The following DACH2 variants were observed in gnomAD, a reference collection of about 807,000 sequenced individuals.
DACH2 encodes the protein dachshund homolog 2.
DACH2 carries 17 observed loss-of-function variants against 35.8 expected under a neutral mutation model. The observed-to-expected ratio is 0.48, with a 90% confidence interval of 0.33 to 0.71. DACH2 has a LOEUF of 0.71. Ranked by LOEUF, DACH2 falls within the 30% of genes least tolerant of loss-of-function variation. The pLI is 0.02. For missense variants in DACH2, 469 were observed against 472.7 expected, an observed-to-expected ratio of 0.99 and a Z score of 0.07; for synonymous variants, 195 against 177.3, an observed-to-expected ratio of 1.10 and a Z score of -0.79.
intron 7 of DACH2, among the ~76,000 whole-genome samples, chrX:86,767,614 G>A (rs12014301): frequency 0.029 from 3,248 of 112,030 alleles, 122 homozygotes; most frequent in African/African-American, 0.1. Context: ...TTGCCACTGT[G>A]TATATTCTCT....
chrX:86,275,442 T>C (rs1162515897), intron 1 of DACH2, among the ~76,000 whole-genome samples: 1 of 111,441 alleles, frequency 9.0e-6, no homozygotes, highest in East Asian at 2.8e-4. Flanking sequence ...TAGGTGTATA[T>C]ATTTATGAGG....
intron 1 of DACH2, among the ~76,000 whole-genome samples, chrX:86,365,713 CTT>C (rs775910353): frequency 2.7e-5 from 3 of 111,338 alleles, no homozygotes; most frequent in African/African-American, 9.8e-5. Context: ...GCCCCAAAGA[CTT>C]TTAAACAAAC....
chrX:86,224,958 T>A (rs1038875986), intron 1 of DACH2, among the ~76,000 whole-genome samples: 3 of 111,585 alleles, frequency 2.7e-5, no homozygotes, highest in Non-Finnish European at 5.7e-5. Context: ...AAATGATTGG[T>A]TAGAGCTGGC....
chrX:86,504,512 AT>A (rs1017042744), intron 2 of DACH2, among the ~76,000 whole-genome samples: 1 of 101,027 alleles, frequency 9.9e-6, no homozygotes, highest in Admixed American at 1.0e-4. Context: ...TTATTTATTT[AT>A]TTTAAAATTT....
intron 6 of DACH2, among the ~76,000 whole-genome samples, chrX:86,722,530 T>A (rs868525899): frequency 2.8e-5 from 3 of 105,754 alleles, no homozygotes; most frequent in Non-Finnish European, 3.9e-5. Flanking sequence ...TTTTTTTTTT[T>A]ATTTTATTTT....
intron 1 of DACH2, among the ~76,000 whole-genome samples, chrX:86,244,870 A>G (rs2033245820): frequency 8.9e-6 from 1 of 112,312 alleles, no homozygotes; most frequent in Non-Finnish European, 1.9e-5. Context: ...AACAGAAAAT[A>G]CTTGCTTCCC....
intron 3 of DACH2, among the ~76,000 whole-genome samples, chrX:86,638,284 T>C (rs1401235641): frequency 8.9e-6 from 1 of 111,925 alleles, no homozygotes; most frequent in African/African-American, 3.3e-5. Flanking sequence ...ACGAGTTAAA[T>C]GTAACACCTG....
chrX:86,399,471 T>G (rs1301992935), intron 2 of DACH2, among the ~76,000 whole-genome samples: 1 of 112,002 alleles, frequency 8.9e-6, no homozygotes, highest in Admixed American at 9.5e-5. Context: ...AGTTTCTTCC[T>G]AGCCTTGATG....
intron 2 of DACH2, among the ~76,000 whole-genome samples, chrX:86,401,740 A>C (rs1258221648): frequency 9.0e-6 from 1 of 110,588 alleles, no homozygotes; most frequent in African/African-American, 3.3e-5. Flanking sequence ...AAAAAAAAAA[A>C]ACTTCAGATT....
chrX:86,607,484 A>G (rs1057072751), intron 3 of DACH2, among the ~76,000 whole-genome samples: 3 of 111,639 alleles, frequency 2.7e-5, no homozygotes, highest in Non-Finnish European at 3.8e-5. Context: ...GAAACTAATA[A>G]AACTCCACAT....
At chrX:86,653,447 C>T (rs943631882) in intron 4 of DACH2, among the ~76,000 whole-genome samples, 38 of 110,900 alleles carry the variant, frequency 3.4e-4, no homozygotes, top group Non-Finnish European at 5.5e-4. Flanking sequence ...TTGCACAGGT[C>T]CCTGTGGGGA....
chrX:86,763,640 G>C (rs1427017263), intron 7 of DACH2, among the ~76,000 whole-genome samples: 1 of 110,919 alleles, frequency 9.0e-6, no homozygotes, highest in Non-Finnish European at 1.9e-5. Context: ...TTTTAGTGGA[G>C]TCAGGGTTTC....
At chrX:86,631,501 G>A (rs763806977) in intron 3 of DACH2, among the ~76,000 whole-genome samples, 16 of 112,271 alleles carry the variant, frequency 1.4e-4, no homozygotes, top group African/African-American at 4.5e-4. Context: ...GTACTTGACA[G>A]ATAGACTGAA....
At chrX:86,484,755 G>A in intron 2 of DACH2, among the ~76,000 whole-genome samples, 1 of 112,087 alleles carries the variant, frequency 8.9e-6, no homozygotes, top group Middle Eastern at 4.6e-3. Flanking sequence ...AGTGGTTACA[G>A]TTCATCTTAT....
intron 3 of DACH2, among the ~76,000 whole-genome samples, chrX:86,575,281 C>G (rs1240170951): frequency 9.0e-6 from 1 of 111,066 alleles, no homozygotes; most frequent in Admixed American, 9.7e-5. Context: ...AAAAATCGAT[C>G]TGGCTTTCCC....
At chrX:86,292,191 A>C (rs1390999656) in intron 1 of DACH2, among the ~76,000 whole-genome samples, 3 of 85,085 alleles carry the variant, frequency 3.5e-5, no homozygotes, top group Admixed American at 2.9e-4. Flanking sequence ...CATTTCTTCT[A>C]GATTTTCTAG....
intron 3 of DACH2, among the ~76,000 whole-genome samples, chrX:86,543,118 A>G (rs1012225946): frequency 9.0e-6 from 1 of 111,247 alleles, no homozygotes; most frequent in Non-Finnish European, 1.9e-5. Flanking sequence ...AGATCTTCAG[A>G]CAGAAGGCAT....
chrX:86,743,045 A>G (rs1412624604), intron 7 of DACH2, among the ~76,000 whole-genome samples: 1 of 111,687 alleles, frequency 9.0e-6, no homozygotes, highest in East Asian at 2.8e-4. Flanking sequence ...TGTTTAAATG[A>G]TTCACCATTT....
intron 1 of DACH2, among the ~76,000 whole-genome samples, chrX:86,293,664 A>G (rs768584779): frequency 9.8e-4 from 108 of 110,184 alleles, no homozygotes; most frequent in African/African-American, 3.0e-3. Context: ...AAAGTATTTT[A>G]TTTCTCCTTC....
Sources: gnomAD v4.1 joint callset for allele counts (sites outside exome capture counted in the v4.1 genomes callset) on GRCh38, gnomAD v4.1.1 for gene constraint, MANE v1.5 for transcripts, NCBI Gene and HGNC (gene_info 2026-07-23, HGNC 2026-07-21) for gene names.